Variants in PEX1 observed in about 807,000 individuals in gnomAD.
PEX1 encodes the protein peroxisomal ATPase PEX1.
A neutral mutation model predicts 152.5 loss-of-function variants in PEX1; 97 were observed. That is an observed-to-expected ratio of 0.64 (90% CI 0.54 to 0.75). PEX1 has a LOEUF of 0.75. Ranked by LOEUF, PEX1 falls within the 30% of genes least tolerant of loss-of-function variation. PEX1 has a pLI of 0.00. For missense variants in PEX1, 1,357 were observed against 1,516.3 expected (o/e 0.89, Z 1.74); for synonymous variants, 485 against 531.6 (o/e 0.91, Z 1.21).
chr7:92,493,342 A>G, intron 19 of PEX1: 1 of 345,554 alleles, frequency 2.9e-6, no homozygotes, highest in Non-Finnish European at 5.1e-6. Context: ...ATGAAAATCA[A>G]ACACTCTTAA....
chr7:92,513,804 A>T (rs1401698600), intron 6 of PEX1, 44 bp downstream of exon 6: 17 of 1,447,312 alleles, frequency 1.2e-5, no homozygotes, highest in Non-Finnish European at 1.6e-5. Flanking sequence ...AATCTTACAA[A>T]ACGTGTAAAA....
intron 2 of PEX1, 133 bp from the exon 3 acceptor site, chr7:92,519,211 G>A (rs2116254308): frequency 1.6e-6 from 1 of 637,070 alleles, no homozygotes; most frequent in Non-Finnish European, 2.8e-6. Flanking sequence ...GGGTGTATAT[G>A]TAGTCTATGT....
intron 17 of PEX1, among the ~76,000 whole-genome samples, chr7:92,495,644 T>C (rs1022805908): frequency 4.1e-4 from 62 of 152,174 alleles, no homozygotes; most frequent in Non-Finnish European, 8.5e-4. Context: ...GGGATATCTT[T>C]AGCGATGTTT....
At chr7:92,521,085 G>A (rs553232510) in intron 2 of PEX1, among the ~76,000 whole-genome samples, 30 of 152,248 alleles carry the variant, frequency 2.0e-4, no homozygotes, top group Non-Finnish European at 1.0e-4. Flanking sequence ...TCAGTCTGCT[G>A]AGTAGCTGGG....
In PEX1 at chr7:92,517,985, A is replaced by G; in HGVS notation, c.530T>C (p.Ile177Thr). 1 of 1,613,800 alleles carries G rather than the reference A, an allele frequency of 6.2e-7. No homozygotes were observed. The highest frequency in any genetic ancestry group is 8.5e-7 in the Non-Finnish European group (1 of 1,179,914). ...TTTGGCTCGGCGTGTCTTTGGCTGA[A>G]TAAGGAGTTTGGTGTCAGTTTCCAG... ...GRLETDTKLL[I>T]QPKTRRAKEN... The change falls in exon 5 of 24, where the codon ATT (isoleucine) becomes ACT (threonine). Residue 177 changes from isoleucine (I) to threonine (T), a missense_variant. Coordinates refer to ENST00000248633, the MANE Select transcript of PEX1 (RefSeq NM_000466.3).
At chr7:92,490,018 C>T in intron 21 of PEX1, 107 bp from the exon 22 acceptor site, 1 of 886,762 alleles carries the variant, frequency 1.1e-6, no homozygotes, top group Non-Finnish European at 1.8e-6. Context: ...AAAACATTAA[C>T]ATAGATAAGT....
intron 1 of PEX1, among the ~76,000 whole-genome samples, chr7:92,526,602 A>G (rs1488683717): frequency 6.6e-6 from 1 of 152,236 alleles, no homozygotes; most frequent in African/African-American, 2.4e-5. Context: ...TATCACTTCT[A>G]ATGCCTAAAA....
chr7:92,491,821 A>C (rs1791344334), intron 20 of PEX1, among the ~76,000 whole-genome samples: 1 of 152,188 alleles, frequency 6.6e-6, no homozygotes, highest in Non-Finnish European at 1.5e-5. Context: ...AAAATGATGA[A>C]TCAACCATGT....
intron 1 of PEX1, among the ~76,000 whole-genome samples, chr7:92,522,945 T>C (rs1018321543): frequency 6.6e-5 from 10 of 152,244 alleles, no homozygotes; most frequent in African/African-American, 2.4e-4. Flanking sequence ...AGAAACGTTA[T>C]ATTATGCAGC....
intron 2 of PEX1, among the ~76,000 whole-genome samples, chr7:92,521,429 AT>A (rs1793044033): frequency 6.6e-6 from 1 of 152,156 alleles, no homozygotes; most frequent in African/African-American, 2.4e-5. Flanking sequence ...GTGTTGTAGA[AT>A]TTTTTATTTT....
At chr7:92,511,772 C>A in intron 6 of PEX1, 69 bp from the exon 7 acceptor site, 1 of 1,392,788 alleles carries the variant, frequency 7.2e-7, no homozygotes. Context: ...CTTATTTTAA[C>A]ATCTGATCTT....
intron 13 of PEX1, among the ~76,000 whole-genome samples, chr7:92,502,721 G>C (rs1335448254): frequency 6.6e-6 from 1 of 152,116 alleles, no homozygotes; most frequent in Non-Finnish European, 1.5e-5. Flanking sequence ...AGGGGACTAA[G>C]TGCCATTATG....
Position 92,503,038 on chromosome 7 carries a change from TACCTGA to T in PEX1, c.2223_2226+2del, listed in dbSNP as rs1175376917. 6.2e-7 allele frequency: 1 copy of T among 1,610,796 alleles called. No homozygotes were observed. Among genetic ancestry groups the T allele is most frequent in the Admixed American group, 1.7e-5 (1 of 60,010 alleles). On this transcript the variant is annotated splice_donor_variant and coding_sequence_variant, in exon 13 of 24. Transcript: ENST00000248633. LOFTEE classifies it high-confidence loss of function. ...TCAATAATCCTTACAAGTAGTGTAT[TACCTGA>T]TTAGGAGGCTGAATGTGTTGGACGC...
chr7:92,511,505 G>T, intron 7 of PEX1, 75 bp downstream of exon 7: 3 of 1,117,302 alleles, frequency 2.7e-6, no homozygotes, highest in Non-Finnish European at 2.7e-6. Flanking sequence ...TCACAGGTAT[G>T]ACAGGTTGCA....
chr7:92,504,698 AACAAG>A (rs1159322678), intron 12 of PEX1, 29 bp downstream of exon 12: 1 of 1,604,394 alleles, frequency 6.2e-7, no homozygotes, highest in African/African-American at 1.3e-5. Context: ...CTGACAAAAG[AACAAG>A]ACCTTAAGCC....
intron 1 of PEX1, among the ~76,000 whole-genome samples, chr7:92,526,727 C>T (rs1163561058): frequency 1.3e-5 from 2 of 151,882 alleles, no homozygotes; most frequent in Non-Finnish European, 2.9e-5. Context: ...AAATAAAACA[C>T]TCATAATAAC....
At chr7:92,507,235 A>C (rs1445626269) in intron 9 of PEX1, 109 bp from the exon 10 acceptor site, 1 of 943,372 alleles carries the variant, frequency 1.1e-6, no homozygotes, top group Admixed American at 2.6e-5. Context: ...AATTTAATTT[A>C]ATTTTTTATC....
In PEX1 at chr7:92,501,142, T is replaced by C. The variant is rs533587827; in HGVS notation, c.2583+365A>G. On this transcript the variant is annotated intron_variant, in intron 15 of 23. Coordinates refer to ENST00000248633, the MANE Select transcript of PEX1 (RefSeq NM_000466.3). ...TTAAAATCTGTCTGCCTGGGCAACA[T>C]AGCAAGACTCCGTCTCTAAGAAAAT... is the stretch of plus-strand genomic sequence containing the variant. Among the ~76,000 whole-genome samples the C allele has an allele frequency of 2.0e-5, 3 of 152,272 alleles. No individual in the cohort carries two copies. In the East Asian group the frequency reaches 5.8e-4, roughly 29 times the overall value.
chr7:92,490,030 T>C, intron 21 of PEX1, 119 bp from the exon 22 acceptor site: 2 of 803,958 alleles, frequency 2.5e-6, no homozygotes, highest in Middle Eastern at 3.5e-4. Flanking sequence ...TAGATAAGTA[T>C]ACATGTTAAT....
Sources: gnomAD v4.1 joint callset for allele counts (sites outside exome capture counted in the v4.1 genomes callset) on GRCh38, gnomAD v4.1.1 for gene constraint, MANE v1.5 for transcripts, NCBI Gene and HGNC (gene_info 2026-07-23, HGNC 2026-07-21) for gene names.